The following FRYL variants were observed in gnomAD, a reference collection of about 807,000 sequenced individuals.
FRYL encodes the protein FRY like transcription coactivator.
Under a neutral mutation model 351.2 loss-of-function variants are expected in FRYL, and 150 were observed. That is an observed-to-expected ratio of 0.43 (90% CI 0.37 to 0.49). The LOEUF (loss-of-function observed/expected upper bound fraction) is 0.49, where lower values mean the gene tolerates loss of function less well. FRYL is among the 20% of genes least tolerant of loss of function. The probability of loss-of-function intolerance (pLI) is 0.00; values close to 1 mark genes in which losing one functional copy is unlikely to be tolerated. For synonymous variants in FRYL, 1,153 were observed against 1,257.1 expected, an observed-to-expected ratio of 0.92 and a Z score of 1.75; for missense variants, 3,036 against 3,619.3, an observed-to-expected ratio of 0.84 and a Z score of 4.13.
chr4:48,506,911 C>T (rs1721186178), intron 59 of FRYL, among the ~76,000 whole-genome samples: 1 of 151,754 alleles, frequency 6.6e-6, no homozygotes, highest in Admixed American at 6.6e-5. Context: ...TGAAGAAAAA[C>T]ATGTTAAGCT....
chr4:48,663,529 G>C (rs1247756264), intron 3 of FRYL, among the ~76,000 whole-genome samples: 1 of 151,582 alleles, frequency 6.6e-6, no homozygotes, highest in East Asian at 1.9e-4. Flanking sequence ...TTCAATACAA[G>C]TGATCTAAAA....
intron 1 of FRYL, among the ~76,000 whole-genome samples, chr4:48,733,308 C>A (rs1434680911): frequency 2.9e-4 from 43 of 150,394 alleles, no homozygotes; most frequent in Admixed American, 1.9e-3. Flanking sequence ...AAAAAAAAAA[C>A]CCCACCAGCC....
chr4:48,608,108 T>C (rs1190336056), intron 9 of FRYL, among the ~76,000 whole-genome samples: 3 of 152,180 alleles, frequency 2.0e-5, no homozygotes, highest in Admixed American at 6.5e-5. Context: ...TTATCATCTA[T>C]ATCTAAATCA....
chr4:48,745,101 G>A (rs974185738), intron 1 of FRYL, among the ~76,000 whole-genome samples: 3 of 152,140 alleles, frequency 2.0e-5, no homozygotes, highest in African/African-American at 4.8e-5. Context: ...TTAATCAGGG[G>A]AGCAAAATCA....
intron 11 of FRYL, among the ~76,000 whole-genome samples, chr4:48,604,446 C>T (rs563456983): frequency 1.4e-4 from 21 of 152,268 alleles, no homozygotes; most frequent in African/African-American, 4.1e-4. Flanking sequence ...AAGTTAGGAT[C>T]GGGAAGACCC....
At chr4:48,690,021 C>T (rs1359085152) in intron 2 of FRYL, among the ~76,000 whole-genome samples, 11 of 151,066 alleles carry the variant, frequency 7.3e-5, no homozygotes, top group Admixed American at 5.9e-4. Flanking sequence ...CTCAGCCTCC[C>T]GACTAGCTGG....
At chr4:48,668,044 A>G (rs181089586) in intron 3 of FRYL, among the ~76,000 whole-genome samples, 3 of 152,104 alleles carry the variant, frequency 2.0e-5, no homozygotes, top group Non-Finnish European at 4.4e-5. Context: ...GGGTTGGAAA[A>G]CTGACCCCCA....
chr4:48,499,186 G>A lies in FRYL; in HGVS notation c.*236C>T, dbSNP rs770837569. The stretch of plus-strand genomic sequence containing the variant: ...GCCCTTTTCTTTTCACGTAGGTTAA[G>A]TAATTAAAAAATTCCTTCTTCACGC... On this transcript the variant is annotated 3_prime_UTR_variant, in exon 64 of 64. Transcript: ENST00000358350. 8.5e-6 allele frequency: 4 copies of A among 468,042 alleles called. No homozygotes were observed. Among genetic ancestry groups the A allele is most frequent in the African/African-American group, 2.0e-5 (1 of 51,010 alleles). The allele number at this position is 468,042 out of a possible 1,614,324, so 29.0% of individuals were successfully genotyped here. A position where few individuals can be genotyped will look rare whatever the true frequency, so the allele number is the denominator to read the frequency against.
intron 60 of FRYL, among the ~76,000 whole-genome samples, chr4:48,503,439 T>C (rs1038524306): frequency 3.3e-5 from 5 of 152,194 alleles, no homozygotes; most frequent in African/African-American, 1.2e-4. Context: ...ATGTTCTAAA[T>C]TGCATTCCAA....
chr4:48,700,269 G>A (rs1290321387), intron 2 of FRYL, among the ~76,000 whole-genome samples: 1 of 152,164 alleles, frequency 6.6e-6, no homozygotes, highest in East Asian at 1.9e-4. Context: ...ATTTGAAGCT[G>A]TAATACTCAC....
chr4:48,600,064 T>C (rs1294395576), intron 13 of FRYL, among the ~76,000 whole-genome samples: 1 of 151,448 alleles, frequency 6.6e-6, no homozygotes, highest in Non-Finnish European at 1.5e-5. Context: ...CCGAGATCAT[T>C]CCACTGCACT....
intron 7 of FRYL, among the ~76,000 whole-genome samples, chr4:48,612,874 C>T (rs1173301506): frequency 6.6e-6 from 1 of 152,084 alleles, no homozygotes; most frequent in East Asian, 1.9e-4. Flanking sequence ...CAGGCGTGAG[C>T]CACCGCACCC....
intron 3 of FRYL, among the ~76,000 whole-genome samples, chr4:48,675,929 G>T (rs1763594042): frequency 6.6e-6 from 1 of 152,206 alleles, no homozygotes; most frequent in Non-Finnish European, 1.5e-5. Context: ...TTTAGCTCAA[G>T]GTTTGTGAGT....
intron 27 of FRYL, among the ~76,000 whole-genome samples, chr4:48,569,257 T>G (rs1307256995): frequency 1.3e-5 from 2 of 152,200 alleles, no homozygotes; most frequent in African/African-American, 4.8e-5. Flanking sequence ...TTTCCTAACT[T>G]TAACTCTTAT....
intron 2 of FRYL, among the ~76,000 whole-genome samples, chr4:48,691,548 T>C (rs1765683710): frequency 6.6e-6 from 1 of 152,274 alleles, no homozygotes; most frequent in Non-Finnish European, 1.5e-5. Context: ...ACAATAAGGA[T>C]AATAAAATCT....
chr4:48,564,247 A>G, intron 30 of FRYL, 145 bp from the exon 31 acceptor site: 1 of 935,650 alleles, frequency 1.1e-6, no homozygotes, highest in Non-Finnish European at 1.5e-6. Context: ...CCTCCCTCTC[A>G]TTTTATTCAG....
chr4:48,680,530 T>A (rs1764450336), intron 3 of FRYL, among the ~76,000 whole-genome samples: 1 of 151,942 alleles, frequency 6.6e-6, no homozygotes, highest in African/African-American at 2.4e-5. Context: ...TCAGCCCAAA[T>A]ATTCATTATC....
rs532511736 is a variant in FRYL at position 48,606,661 on chromosome 4, A to T, written c.573-55T>A. The T allele has an allele frequency of 1.9e-5, 27 of 1,431,340 alleles. No homozygotes were observed. In the South Asian group the frequency reaches 3.2e-4, roughly 17 times the overall value. The allele number at this position is 1,431,340 out of a possible 1,614,324, so 88.7% of individuals were successfully genotyped here. Reference sequence around the variant, plus strand: ...TTGAATTAAAAACACTAATTTCCACATGATATTTAAGGGTAAAAATCAAAA... The same window carrying T: ...TTGAATTAAAAACACTAATTTCCACTTGATATTTAAGGGTAAAAATCAAAA... On this transcript the variant is annotated intron_variant, in intron 9 of 63. Coordinates refer to ENST00000358350, the MANE Select transcript of FRYL (RefSeq NM_015030.2).
At chr4:48,548,915 G>A in intron 39 of FRYL, 122 bp from the exon 40 acceptor site, 1 of 582,502 alleles carries the variant, frequency 1.7e-6, no homozygotes, top group Non-Finnish European at 3.0e-6. Flanking sequence ...ACTTATCAAG[G>A]AAAAAGGAGG....
Sources: gnomAD v4.1 joint callset for allele counts (sites outside exome capture counted in the v4.1 genomes callset) on GRCh38, gnomAD v4.1.1 for gene constraint, MANE v1.5 for transcripts, NCBI Gene and HGNC (gene_info 2026-07-23, HGNC 2026-07-21) for gene names.